AKAP6: variants seen among roughly 807,000 people sequenced by gnomAD.
AKAP6 encodes the protein A-kinase anchor protein 6.
A neutral mutation model predicts 188.5 loss-of-function variants in AKAP6; 58 were observed. That is an observed-to-expected ratio of 0.31 (90% CI 0.25 to 0.38). The LOEUF (loss-of-function observed/expected upper bound fraction) is 0.38, where lower values mean the gene tolerates loss of function less well. AKAP6 is among the 10% of genes least tolerant of loss of function. The probability of loss-of-function intolerance (pLI) is 1.00; values close to 1 mark genes in which losing one functional copy is unlikely to be tolerated. For missense variants in AKAP6, 2,710 were observed against 2,740.0 expected, an observed-to-expected ratio of 0.99 and a Z score of 0.24; for synonymous variants, 989 against 998.6, an observed-to-expected ratio of 0.99 and a Z score of 0.18.
chr14:32,472,886 T>C (rs1878857786), intron 2 of AKAP6, among the ~76,000 whole-genome samples: 1 of 143,728 alleles, frequency 7.0e-6, no homozygotes, highest in Non-Finnish European at 1.6e-5. Flanking sequence ...TGGCTGTTTG[T>C]ATTAAAGGAA....
chr14:32,600,623 G>C lies in AKAP6; in HGVS notation c.2567-6G>C. ...CAACTTCTGCTTTCCCCTCCTTTTG[G>C]AGAAGGACTGAAGGACATGCTGCGG... is the stretch of plus-strand genomic sequence containing the variant. On this transcript the variant is annotated splice_region_variant and splice_polypyrimidine_tract_variant and intron_variant, in intron 6 of 13. Transcript: ENST00000280979. 2 of 1,601,040 alleles carry C rather than the reference G, an allele frequency of 1.2e-6. No individual in the cohort carries two copies. The highest frequency in any genetic ancestry group is 8.5e-7 in the Non-Finnish European group (1 of 1,173,412).
Position 32,535,554 on chromosome 14 carries a change from G to A in AKAP6, c.325G>A (p.Asp109Asn). The change falls in exon 3 of 14, where the codon GAC becomes AAC. Residue 109 changes from aspartate (D) to asparagine (N), a missense_variant and splice_region_variant. Physicochemically the swap from Asp to Asn is conservative, Grantham distance 23. This residue lies in a region of AKAP6 where 237 missense variants were observed against 313.9 expected (regional missense o/e 0.76). Coordinates refer to ENST00000280979, the MANE Select transcript of AKAP6 (RefSeq NM_004274.5). ...HVDVHLVQLK[D>N]ICEDISDHVE... ...CATATGTTGCTTTTCTTTACTGCAGGACATTTGTGAAGATATTTCTGATCA... is the reference window on the plus strand; with the variant it reads ...CATATGTTGCTTTTCTTTACTGCAGAACATTTGTGAAGATATTTCTGATCA... 6.2e-7 allele frequency: 1 copy of A among 1,611,612 alleles called. No homozygotes were observed. The highest frequency in any genetic ancestry group is 8.5e-7 in the Non-Finnish European group (1 of 1,178,074).
intron 1 of AKAP6, among the ~76,000 whole-genome samples, chr14:32,411,143 C>T (rs1594587571): frequency 2.0e-5 from 3 of 152,060 alleles, no homozygotes; most frequent in Non-Finnish European, 1.5e-5. Context: ...GAGGTCGTGG[C>T]ATCTAATGAG....
chr14:32,640,946 C>A (rs1428277007), intron 7 of AKAP6, among the ~76,000 whole-genome samples: 1 of 152,106 alleles, frequency 6.6e-6, no homozygotes, highest in Non-Finnish European at 1.5e-5. Flanking sequence ...GCTGCCATTT[C>A]CCTTTGATGA....
intron 7 of AKAP6, among the ~76,000 whole-genome samples, chr14:32,657,160 G>C (rs1298203845): frequency 6.6e-6 from 1 of 152,122 alleles, no homozygotes; most frequent in Admixed American, 6.6e-5. Flanking sequence ...GCTCTGATTT[G>C]ACATAGGGAA....
intron 4 of AKAP6, among the ~76,000 whole-genome samples, chr14:32,559,704 C>G (rs2139202599): frequency 6.6e-6 from 1 of 151,704 alleles, no homozygotes; most frequent in African/African-American, 2.4e-5. Flanking sequence ...ATCAGAATCC[C>G]TGGGGTTGGG....
intron 13 of AKAP6, among the ~76,000 whole-genome samples, chr14:32,828,967 G>A (rs920279387): frequency 6.6e-6 from 1 of 152,138 alleles, no homozygotes; most frequent in Non-Finnish European, 1.5e-5. Flanking sequence ...GAGCATATTC[G>A]TTCTTGAAGG....
intron 1 of AKAP6, among the ~76,000 whole-genome samples, chr14:32,364,717 T>A (rs957161281): frequency 6.6e-6 from 1 of 152,126 alleles, no homozygotes; most frequent in African/African-American, 2.4e-5. Context: ...CAAAGAAAAA[T>A]CTTGAGAAGG....
chr14:32,570,442 C>T (rs370864844), intron 4 of AKAP6, among the ~76,000 whole-genome samples: 4 of 151,738 alleles, frequency 2.6e-5, no homozygotes, highest in South Asian at 2.1e-4. Flanking sequence ...GCGCCTGGCC[C>T]GTGTGGGGAC....
intron 5 of AKAP6, among the ~76,000 whole-genome samples, chr14:32,579,941 A>G (rs1290394071): frequency 6.6e-6 from 1 of 151,830 alleles, no homozygotes; most frequent in Non-Finnish European, 1.5e-5. Flanking sequence ...ATCTCTCTAG[A>G]CTCTATATTT....
At chr14:32,436,890 C>T (rs1890398202) in intron 2 of AKAP6, among the ~76,000 whole-genome samples, 1 of 152,174 alleles carries the variant, frequency 6.6e-6, no homozygotes, top group East Asian at 1.9e-4. Flanking sequence ...TGCTCCACTG[C>T]ACTACATCCT....
chr14:32,497,464 CTTT>C (rs1880378219), intron 2 of AKAP6, among the ~76,000 whole-genome samples: 1 of 152,046 alleles, frequency 6.6e-6, no homozygotes, highest in Non-Finnish European at 1.5e-5. Context: ...AGAGAACATA[CTTT>C]TTATAAGTTG....
At chr14:32,804,029 GCA>G (rs2034024889) in intron 12 of AKAP6, among the ~76,000 whole-genome samples, 1 of 152,114 alleles carries the variant, frequency 6.6e-6, no homozygotes, top group Non-Finnish European at 1.5e-5. Flanking sequence ...TTGTATAACT[GCA>G]GTATCACCAC....
In AKAP6 at chr14:32,540,859, GT is replaced by G. The variant is rs1035362626; in HGVS notation, c.577-4361del. On this transcript the variant is annotated intron_variant, in intron 3 of 13. Transcript: ENST00000280979. ...TATATACTGTTTTTGGTTTTGCTTT[GT>G]TTTTTTTTTCAGGGAGGGATTTTTT... Among the ~76,000 whole-genome samples the G allele has an allele frequency of 4.7e-3, 653 of 140,382 alleles. 3 individuals carry two copies. Among genetic ancestry groups the G allele is most frequent in the African/African-American group, 0.016 (601 of 37,830 alleles). 92.1% of individuals were successfully genotyped at this position (140,382 alleles called of 152,430 possible).
At chr14:32,395,388 A>G (rs1888846023) in intron 1 of AKAP6, among the ~76,000 whole-genome samples, 1 of 152,144 alleles carries the variant, frequency 6.6e-6, no homozygotes, top group Admixed American at 6.6e-5. Flanking sequence ...CCCACAAGAA[A>G]GTGAGGCACA....
At chr14:32,721,124 T>TA (rs2030513415) in intron 9 of AKAP6, among the ~76,000 whole-genome samples, 2 of 152,312 alleles carry the variant, frequency 1.3e-5, no homozygotes, top group South Asian at 4.1e-4. Flanking sequence ...ACAGCCCTGA[T>TA]ATGGTGCATC....
chr14:32,717,474 C>A (rs975311696), intron 9 of AKAP6, among the ~76,000 whole-genome samples: 1 of 151,822 alleles, frequency 6.6e-6, no homozygotes, highest in African/African-American at 2.4e-5. Context: ...ATTGTTTTTC[C>A]TATCTGGTGA....
intron 4 of AKAP6, among the ~76,000 whole-genome samples, chr14:32,572,244 T>C (rs1884523536): frequency 6.6e-6 from 1 of 152,228 alleles, no homozygotes; most frequent in African/African-American, 2.4e-5. Context: ...ATCTGTAAAA[T>C]GACCATAATC....
intron 11 of AKAP6, among the ~76,000 whole-genome samples, chr14:32,738,914 C>A (rs2031554626): frequency 6.6e-6 from 1 of 152,070 alleles, no homozygotes; most frequent in African/African-American, 2.4e-5. Context: ...AACTAATTTA[C>A]AAAACTACTT....
Sources: gnomAD v4.1 joint callset for allele counts (sites outside exome capture counted in the v4.1 genomes callset) on GRCh38, gnomAD v4.1.1 for gene constraint, gnomAD v4.1.1 regional missense constraint, MANE v1.5 for transcripts, NCBI Gene and HGNC (gene_info 2026-07-23, HGNC 2026-07-21) for gene names.